Variants in PLEKHA7 observed in about 807,000 individuals in gnomAD.
PLEKHA7 encodes pleckstrin homology domain containing A7, also known as pleckstrin homology domain-containing family A member 7.
Under a neutral mutation model 170.0 loss-of-function variants are expected in PLEKHA7, and 104 were observed. The observed-to-expected ratio is 0.61, with a 90% confidence interval of 0.52 to 0.72. PLEKHA7 has a LOEUF of 0.72. PLEKHA7 is among the 30% of genes least tolerant of loss of function. PLEKHA7 has a pLI of 0.00. For synonymous variants in PLEKHA7, 648 were observed against 660.8 expected (o/e 0.98, Z 0.30); for missense variants, 1,615 against 1,671.7 (o/e 0.97, Z 0.59).
At chr11:16,783,573 T>C (rs1028885039) in intron 25 of PLEKHA7, 127 bp downstream of exon 25, 4 of 1,071,122 alleles carry the variant, frequency 3.7e-6, no homozygotes, top group African/African-American at 3.3e-5. Flanking sequence ...CTCCAATGAG[T>C]AGGGCTTACC....
chr11:16,900,896 A>G (rs998894173), intron 3 of PLEKHA7, among the ~76,000 whole-genome samples: 1 of 150,316 alleles, frequency 6.7e-6, no homozygotes, highest in Non-Finnish European at 1.5e-5. Context: ...CCCAGGCTGG[A>G]GTGCAGTGGC....
rs939658799 is a variant in PLEKHA7, at chr11:16,857,331, G to T, written c.306-1417C>A. 7.2e-5 allele frequency among the ~76,000 whole-genome samples: 11 copies of T among 152,348 alleles called. No homozygotes were observed. The South Asian group carries it at 2.3e-3, about 32-fold the overall frequency. ...CAGGAGATGCAAGTCCTACCAGGCAGAAAGAGCACTGGCTCCTTATCAGCT... is the reference window on the plus strand; with the variant it reads ...CAGGAGATGCAAGTCCTACCAGGCATAAAGAGCACTGGCTCCTTATCAGCT... On this transcript the variant is annotated intron_variant, in intron 4 of 26. Coordinates refer to ENST00000531066, the MANE Select transcript of PLEKHA7 (RefSeq NM_001329630.2).
At position 16,940,340 on chromosome 11, in the gene PLEKHA7, T is replaced by G. The variant is rs1860604890; in HGVS notation, c.222-69158A>C. On this transcript the variant is annotated intron_variant, in intron 3 of 26. Transcript: ENST00000531066. The stretch of plus-strand genomic sequence containing the variant: ...CTTGCTCTGTCACCCAAGGCTAGAG[T>G]GCAATGGCGTGATCTGGGCTCACTG... Among the ~76,000 whole-genome samples the G allele has an allele frequency of 2.1e-5, 3 of 141,456 alleles. No homozygotes were observed. The Admixed American group carries it at 2.3e-4, about 11-fold the overall frequency. 92.8% of individuals were successfully genotyped at this position (141,456 alleles called of 152,430 possible). A position where few individuals can be genotyped will look rare whatever the true frequency, so the allele number is the denominator to read the frequency against.
chr11:16,791,142 G>A lies in PLEKHA7; in HGVS notation c.2803C>T (p.Pro935Ser). The A allele has an allele frequency of 6.2e-7, 1 of 1,613,896 alleles. No homozygotes were observed. The highest frequency in any genetic ancestry group is 1.1e-5 in the South Asian group (1 of 91,054). The change falls in exon 20 of 27, where the codon CCC becomes TCC. Residue 935 changes from proline (P) to serine (S), a missense_variant. Pro to Ser is a moderately conservative substitution (Grantham distance 74). Coordinates refer to ENST00000531066, the MANE Select transcript of PLEKHA7 (RefSeq NM_001329630.2). The surrounding 1 kb of genome is among the most constrained non-coding windows in gnomAD (Gnocchi z 4.5). ...LPELYSPEDQ[P>S]PAVPPLPREA... is the part of the protein sequence containing the mutation. The stretch of plus-strand genomic sequence containing the variant: ...CTTGGCAGAGGCGGCACAGCCGGGG[G>A]CTGGTCCTCTGGGCTGTAGAGTTCG...
intron 3 of PLEKHA7, among the ~76,000 whole-genome samples, chr11:16,893,099 C>T (rs971021814): frequency 2.6e-5 from 4 of 152,198 alleles, no homozygotes; most frequent in African/African-American, 7.2e-5. Context: ...TTGTGAGTAA[C>T]TGCTTGTAAT....
intron 3 of PLEKHA7, among the ~76,000 whole-genome samples, chr11:16,935,488 C>T (rs1304307408): frequency 1.3e-5 from 2 of 152,240 alleles, no homozygotes; most frequent in Non-Finnish European, 2.9e-5. Context: ...TCAGTGCCCA[C>T]TGCTATTCTC....
chr11:16,872,739 T>C (rs1299762638), intron 3 of PLEKHA7, among the ~76,000 whole-genome samples: 2 of 152,132 alleles, frequency 1.3e-5, no homozygotes, highest in Non-Finnish European at 2.9e-5. Context: ...TAGGCTGGTC[T>C]CAACCCTAGG....
In PLEKHA7 at chr11:16,777,610, G is replaced by A. The variant is rs536763445; in HGVS notation, c.*1388C>T. 6.5e-4 allele frequency: 99 copies of A among 152,168 alleles called. No homozygotes were observed. Among genetic ancestry groups the A allele is most frequent in the African/African-American group, 2.1e-3 (86 of 41,524 alleles). The allele number at this position is 152,168 out of a possible 1,614,324, so 9.4% of individuals were successfully genotyped here. On this transcript the variant is annotated 3_prime_UTR_variant, in exon 27 of 27. Coordinates refer to ENST00000531066, the MANE Select transcript of PLEKHA7 (RefSeq NM_001329630.2). ...TTGTTGTTGTTTTTTCCATTTAAAC[G>A]TCATTGTTTATATGCAGAATAATAT...
At chr11:16,953,622 T>C (rs1197997784) in intron 3 of PLEKHA7, among the ~76,000 whole-genome samples, 1 of 152,206 alleles carries the variant, frequency 6.6e-6, no homozygotes, top group Non-Finnish European at 1.5e-5. Context: ...ACAGAAAAAC[T>C]TACACAAAGT....
At chr11:16,999,508 A>G (rs1864540145) in intron 3 of PLEKHA7, among the ~76,000 whole-genome samples, 1 of 151,760 alleles carries the variant, frequency 6.6e-6, no homozygotes, top group African/African-American at 2.4e-5. Context: ...CACATTCCCA[A>G]CCCACACTGA....
intron 21 of PLEKHA7, chr11:16,790,223 C>G (rs1847746295): frequency 6.6e-6 from 2 of 304,638 alleles, no homozygotes. Flanking sequence ...CCCTGCACAA[C>G]CCAACTTGGG....
At position 16,817,003 on chromosome 11, in the gene PLEKHA7, T is replaced by A; in HGVS notation, c.1663A>T (p.Arg555Trp). 1 of 1,604,138 alleles carries A rather than the reference T, an allele frequency of 6.2e-7. No homozygotes were observed. Among genetic ancestry groups the A allele is most frequent in the East Asian group, 2.2e-5 (1 of 44,756 alleles). The change falls in exon 11 of 27, where the codon AGG (arginine) becomes TGG (tryptophan). Residue 555 changes from arginine to tryptophan, a missense_variant. Transcript: ENST00000531066. This position sits in a 1 kb window ranked among gnomAD's most constrained non-coding sequence, Gnocchi z 4.4. ...GAGCGGGGCACCTCTAGCATGCTCC[T>A]GCTCCGGCCCTGGTCGGTGAACTCT... ...SPEFTDQGRS[R>W]SMLEVPRSIS...
chr11:16,841,571 A>C lies in PLEKHA7; in HGVS notation c.848T>G (p.Val283Gly). 6.2e-7 allele frequency: 1 copy of C among 1,613,732 alleles called. No individual in the cohort carries two copies. Residue 283 changes from valine to glycine, a missense_variant, in exon 9 of 27, where the codon GTG (valine) becomes GGG (glycine). Transcript: ENST00000531066. ...CCTCTTCAGTGACGATCGAGACAGC[A>C]CCTGTGCAGCCTGGTTCATGGCCCT... ...WVRAMNQAAQ[V>G]LSRSSLKRDM... is the part of the protein sequence containing the mutation.
intron 3 of PLEKHA7, among the ~76,000 whole-genome samples, chr11:16,902,330 A>G (rs1448848563): frequency 6.6e-6 from 1 of 152,194 alleles, no homozygotes; most frequent in Non-Finnish European, 1.5e-5. Flanking sequence ...GTAGGTGGAC[A>G]TGGTTTCACT....
rs775313811 is a variant in PLEKHA7, at chr11:16,899,058, G to A, written c.222-27876C>T. 7.2e-5 allele frequency among the ~76,000 whole-genome samples: 11 copies of A among 152,186 alleles called. No homozygotes were observed. In the South Asian group the frequency reaches 2.1e-3, roughly 29 times the overall value. On this transcript the variant is annotated intron_variant, in intron 3 of 26. Coordinates refer to ENST00000531066, the MANE Select transcript of PLEKHA7 (RefSeq NM_001329630.2). Reference sequence around the variant, plus strand: ...ATCAAGATCTCATAGGGTTTTTTGCGAATCTTTGCAAACGGATCTTAAAAT... The same window carrying A: ...ATCAAGATCTCATAGGGTTTTTTGCAAATCTTTGCAAACGGATCTTAAAAT...
chr11:16,875,965 T>G (rs1855259308), intron 3 of PLEKHA7, among the ~76,000 whole-genome samples: 2 of 152,268 alleles, frequency 1.3e-5, no homozygotes, highest in South Asian at 4.1e-4. Flanking sequence ...TCAGCTCCTG[T>G]GTTCCCCGCA....
chr11:16,962,510 G>C (rs933643115), intron 3 of PLEKHA7, among the ~76,000 whole-genome samples: 1 of 152,160 alleles, frequency 6.6e-6, no homozygotes, highest in African/African-American at 2.4e-5. Flanking sequence ...GCCCAGGCTG[G>C]AGTGTAGCAG....
intron 3 of PLEKHA7, among the ~76,000 whole-genome samples, chr11:16,972,592 T>G (rs558250333): frequency 6.6e-6 from 1 of 152,160 alleles, no homozygotes; most frequent in African/African-American, 2.4e-5. Flanking sequence ...TTCTTTTTTT[T>G]CAGTTTTTAG....
At position 16,803,221 on chromosome 11, in the gene PLEKHA7, A is replaced by G. The variant is rs1276612608; in HGVS notation, c.2076+6T>C. ...GAGGGGTCAGCGTGTCACTCTGCTC[A>G]CTCACGTCAGTGTCGCTCTCAGCGA... On this transcript the variant is annotated splice_donor_region_variant and intron_variant, in intron 14 of 26. Transcript: ENST00000531066. The G allele has an allele frequency of 6.2e-7, 1 of 1,612,380 alleles. No homozygotes were observed. Among genetic ancestry groups the G allele is most frequent in the South Asian group, 1.1e-5 (1 of 91,034 alleles).
Sources: allele counts gnomAD v4.1 joint callset (sites outside exome capture counted in the v4.1 genomes callset), GRCh38; gene constraint gnomAD v4.1.1; non-coding constraint Gnocchi (gnomAD v3.1); transcripts MANE v1.5; gene names NCBI Gene and HGNC (gene_info 2026-07-23, HGNC 2026-07-21).